The following LRRC37B variants were observed in gnomAD, a reference collection of about 807,000 sequenced individuals.
LRRC37B encodes leucine-rich repeat-containing protein 37B.
In LRRC37B, 28 loss-of-function variants were observed where a neutral mutation model predicts 98.3. The ratio of observed to expected loss-of-function variants is 0.28; its 90% CI spans 0.21 to 0.39. LRRC37B has a LOEUF of 0.39. LRRC37B is among the 10% of genes least tolerant of loss of function. The pLI, the probability that LRRC37B is intolerant of heterozygous loss-of-function variation, is 1.00. For synonymous variants in LRRC37B, 364 were observed against 442.7 expected, an observed-to-expected ratio of 0.82 and a Z score of 2.23; for missense variants, 938 against 1,182.7, an observed-to-expected ratio of 0.79 and a Z score of 3.03.
upstream of LRRC37B, among the ~76,000 whole-genome samples, chr17:32,018,727 A>G (rs1218257065): frequency 6.6e-6 from 1 of 152,102 alleles, no homozygotes; most frequent in African/African-American, 2.4e-5. Flanking sequence ...AAAAACTATA[A>G]TGCCTTTCAA....
chr17:32,045,159 A>G (rs1413836512), intron 7 of LRRC37B, among the ~76,000 whole-genome samples: 2 of 151,910 alleles, frequency 1.3e-5, no homozygotes, highest in Non-Finnish European at 2.9e-5. Context: ...TGGATTTTTT[A>G]TATATTATGT....
intron 1 of LRRC37B, among the ~76,000 whole-genome samples, chr17:32,011,708 G>A (rs1910530229): frequency 6.6e-6 from 1 of 151,568 alleles, no homozygotes; most frequent in African/African-American, 2.4e-5. Context: ...TGTTGGCCAG[G>A]CTGGTCTCAA....
chr17:32,035,580 A>G, exon 7 of LRRC37B: 1 of 1,612,624 alleles, frequency 6.2e-7, no homozygotes, highest in Admixed American at 1.7e-5. Context: ...TGGGAACAAC[A>G]CACATCACAC....
At chr17:32,019,193 C>G (rs989753489), upstream of LRRC37B, among the ~76,000 whole-genome samples, 1 of 152,218 alleles carries the variant, frequency 6.6e-6, no homozygotes, top group African/African-American at 2.4e-5. Flanking sequence ...TCCCAAAGTG[C>G]TGGGATTACA....
chr17:32,035,486 A>T, intron 6 of LRRC37B, 79 bp from the exon 10 acceptor site: 2 of 1,438,282 alleles, frequency 1.4e-6, no homozygotes. Context: ...AGAAGTAATC[A>T]CATGTCCTTG....
At position 32,049,981 on chromosome 17, in the gene LRRC37B, CTTTTTT is replaced by C. The variant is rs752727279; in HGVS notation, c.2758-17_2758-12del. 8.3e-7 allele frequency: 1 copy of C among 1,198,040 alleles called. No individual in the cohort carries two copies. Among genetic ancestry groups the C allele is most frequent in the African/African-American group, 1.6e-5 (1 of 62,350 alleles). The allele number at this position is 1,198,040 out of a possible 1,614,324, so 74.2% of individuals were successfully genotyped here. On this transcript the variant is annotated splice_polypyrimidine_tract_variant and intron_variant, in intron 10 of 11. Transcript: ENST00000327564. ...TTTTTTTAATTGTTCTTTCTTTTTT[CTTTTTT>C]TTTTCTTTTTTTTAGCTCATGAAAG...
chr17:32,041,785 C>T (rs1327350769), intron 7 of LRRC37B: 6 of 458,570 alleles, frequency 1.3e-5, no homozygotes, highest in African/African-American at 2.0e-5. Context: ...GCGCCGGCCT[C>T]CTCCCTGCTC....
In LRRC37B at chr17:32,021,331, C is replaced by T. The variant is rs145413249; in HGVS notation, c.266C>T (p.Ala89Val). The T allele has an allele frequency of 1.1e-4, 183 of 1,613,954 alleles. No individual in the cohort carries two copies. In the African/African-American group the frequency reaches 1.4e-3, roughly 12 times the overall value. The change falls in exon 1 of 12, where the codon GCA (alanine) becomes GTA (valine). Residue 89 changes from alanine (A) to valine (V), a missense_variant. Physicochemically the swap from Ala to Val is moderately conservative, Grantham distance 64. Coordinates refer to ENST00000327564, the Ensembl canonical transcript of LRRC37B. ...CATCTCCCATGGGAATCTCCCCATG[C>T]ACCTGCTCCCCCAGCAGCCCCGGGG...
chr17:32,023,809 G>T (rs1910869533), intron 1 of LRRC37B, among the ~76,000 whole-genome samples: 1 of 152,154 alleles, frequency 6.6e-6, no homozygotes, highest in Non-Finnish European at 1.5e-5. Flanking sequence ...GTATGCTATT[G>T]TCCGCAGAAC....
At chr17:32,047,663 ACT>A (rs1486324052) in intron 8 of LRRC37B, 96 bp from the exon 12 acceptor site, 1 of 1,562,614 alleles carries the variant, frequency 6.4e-7, no homozygotes, top group Non-Finnish European at 8.8e-7. Flanking sequence ...ATGTTTGCTG[ACT>A]CTTACTCTGT....
chr17:32,023,967 A>G (rs1910875499), intron 1 of LRRC37B, among the ~76,000 whole-genome samples: 1 of 152,154 alleles, frequency 6.6e-6, no homozygotes, highest in Non-Finnish European at 1.5e-5. Flanking sequence ...AGCTACATGG[A>G]TAAGCTAAAA....
chr17:32,020,303 C>A (rs1028739605), upstream of LRRC37B, among the ~76,000 whole-genome samples: 2 of 152,148 alleles, frequency 1.3e-5, no homozygotes, highest in African/African-American at 4.8e-5. Context: ...TAGTTATAGT[C>A]GCATTTCAGG....
upstream of LRRC37B, among the ~76,000 whole-genome samples, chr17:32,007,510 C>T (rs980195507): frequency 6.6e-5 from 10 of 152,196 alleles, no homozygotes; most frequent in Middle Eastern, 3.4e-3. This position sits in a 1 kb window ranked among gnomAD's most constrained non-coding sequence, Gnocchi z 4.1. Context: ...CGCCCAGCCC[C>T]TCGGGCCTCC....
chr17:32,010,936 A>G (rs777439742), intron 1 of LRRC37B, among the ~76,000 whole-genome samples: 2 of 151,614 alleles, frequency 1.3e-5, no homozygotes, highest in Non-Finnish European at 2.9e-5. Flanking sequence ...CTCCAGTTCT[A>G]TCCATGTTGC....
At chr17:32,015,197 T>C (rs1369735513) in intron 1 of LRRC37B, among the ~76,000 whole-genome samples, 3 of 152,146 alleles carry the variant, frequency 2.0e-5, no homozygotes, top group Admixed American at 6.5e-5. Context: ...AAGATAGGGA[T>C]TGGGGGCAAA....
intron 9 of LRRC37B, 30 bp downstream of exon 12, chr17:32,047,931 G>T: frequency 6.2e-7 from 1 of 1,614,136 alleles, no homozygotes; most frequent in Non-Finnish European, 8.5e-7. Context: ...TGACGAGAGT[G>T]ATGTTAGCAG....
rs934949322 is a variant in LRRC37B, at chr17:32,013,333, G to GT, written c.-190-4631dup. ...TCATTATATTTTCAAATGGTTTCTT[G>GT]TTTTTTTTATTTTTCTTTTAAATGT... On this transcript the variant is annotated intron_variant, in intron 1 of 14. Coordinates refer to the LRRC37B transcript ENST00000543378. Among the ~76,000 whole-genome samples, 12 of 151,730 alleles carry GT rather than the reference G, an allele frequency of 7.9e-5. No individual in the cohort carries two copies. In the South Asian group the frequency reaches 1.0e-3, roughly 13 times the overall value.
At position 32,028,003 on chromosome 17, in the gene LRRC37B, A is replaced by G. The variant is rs1362780826; in HGVS notation, c.1904+163A>G. 2.4e-3 allele frequency among the ~76,000 whole-genome samples: 324 copies of G among 134,638 alleles called. 1 individual carries two copies. The highest frequency in any genetic ancestry group is 8.7e-3 in the African/African-American group (313 of 35,870). 88.3% of individuals were successfully genotyped at this position (134,638 alleles called of 152,430 possible). A position where few individuals can be genotyped will look rare whatever the true frequency, so the allele number is the denominator to read the frequency against. ...CCATCTCTAGCATTAGCTACATCCT[A>G]TGCATTTTCAGTTTTTAAATTGTAT... On this transcript the variant is annotated intron_variant, in intron 3 of 11. Coordinates refer to ENST00000327564, the Ensembl canonical transcript of LRRC37B.
intron 11 of LRRC37B, chr17:32,050,326 C>A: frequency 2.3e-6 from 1 of 429,222 alleles, no homozygotes; most frequent in East Asian, 4.1e-5. Context: ...CCAAGTTAAT[C>A]CCACTAGACT....
Sources: allele counts gnomAD v4.1 joint callset (sites outside exome capture counted in the v4.1 genomes callset), GRCh38; gene constraint gnomAD v4.1.1; non-coding constraint Gnocchi (gnomAD v3.1); transcripts MANE v1.5; gene names NCBI Gene and HGNC (gene_info 2026-07-23, HGNC 2026-07-21).